The following THSD7A variants were observed in gnomAD, a reference collection of about 807,000 sequenced individuals.
The protein encoded by THSD7A is thrombospondin type-1 domain-containing protein 7A.
In THSD7A, 96 loss-of-function variants were observed where a neutral mutation model predicts 231.3. That is an observed-to-expected ratio of 0.41 (90% CI 0.35 to 0.49). The LOEUF is 0.49. THSD7A is among the 20% of genes least tolerant of loss of function. The pLI, the probability that THSD7A is intolerant of heterozygous loss-of-function variation, is 0.05. For synonymous variants in THSD7A, 940 were observed against 743.3 expected (o/e 1.26, Z -4.30); for missense variants, 2,290 against 2,070.2 (o/e 1.11, Z -2.06).
Position 11,375,755 on chromosome 7 carries a change from A to G in THSD7A, c.*39T>C. ...GTGGCCTCTGGACATCTATGAAGTCAGAAAGCCGAAACTGGTTGTTGCCAG... is the reference window on the plus strand; with the variant it reads ...GTGGCCTCTGGACATCTATGAAGTCGGAAAGCCGAAACTGGTTGTTGCCAG... On this transcript the variant is annotated 3_prime_UTR_variant, in exon 28 of 28. Transcript: ENST00000423059. The G allele has an allele frequency of 6.4e-7, 1 of 1,574,756 alleles. No homozygotes were observed.
chr7:11,404,981 C>T (rs1237111079), intron 22 of THSD7A, among the ~76,000 whole-genome samples: 1 of 151,898 alleles, frequency 6.6e-6, no homozygotes, highest in Non-Finnish European at 1.5e-5. Context: ...AGTTCTTGAC[C>T]TGAAGTAGAT....
chr7:11,532,167 T>C (rs916189757), intron 6 of THSD7A, among the ~76,000 whole-genome samples: 6 of 151,956 alleles, frequency 3.9e-5, no homozygotes, highest in African/African-American at 1.4e-4. Flanking sequence ...GGCACCTTCA[T>C]TGACATCAGT....
chr7:11,375,170 T>G lies in THSD7A; in HGVS notation c.*624A>C, dbSNP rs184924216. ...CTAGTACTTGTCCAGCATTCTTACT[T>G]TGGAGAGAGACAAGAAGTCTTAAAA... On this transcript the variant is annotated 3_prime_UTR_variant, in exon 28 of 28. Transcript: ENST00000423059. 3 of 152,130 alleles carry G rather than the reference T, an allele frequency of 2.0e-5. No homozygotes were observed. Among genetic ancestry groups the G allele is most frequent in the African/African-American group, 7.2e-5 (3 of 41,540 alleles). 9.4% of individuals were successfully genotyped at this position (152,130 alleles called of 1,614,324 possible). A position where few individuals can be genotyped will look rare whatever the true frequency, so the allele number is the denominator to read the frequency against.
chr7:11,563,660 C>A (rs6980325), intron 4 of THSD7A, among the ~76,000 whole-genome samples: 40,394 of 152,078 alleles, frequency 0.27, 6,107 homozygotes, highest in African/African-American at 0.42. Context: ...CGATGCCCAG[C>A]CACTGAGTTA....
chr7:11,531,219 C>G (rs371520745), intron 6 of THSD7A, among the ~76,000 whole-genome samples: 8 of 152,136 alleles, frequency 5.3e-5, no homozygotes, highest in African/African-American at 1.7e-4. Context: ...CTGTTGCAAC[C>G]CTTATCTAAG....
intron 1 of THSD7A, among the ~76,000 whole-genome samples, chr7:11,791,858 C>T (rs1469112717): frequency 6.6e-6 from 1 of 151,884 alleles, no homozygotes; most frequent in Non-Finnish European, 1.5e-5. Context: ...TTTTTTGCTG[C>T]CGCCTCTTTC....
At chr7:11,540,836 G>A (rs1032659157) in intron 6 of THSD7A, among the ~76,000 whole-genome samples, 3 of 152,150 alleles carry the variant, frequency 2.0e-5, no homozygotes, top group Admixed American at 6.5e-5. Flanking sequence ...AGAATCTTGC[G>A]GAAAGCCACT....
At chr7:11,394,692 G>T (rs748108586) in intron 23 of THSD7A, among the ~76,000 whole-genome samples, 1 of 152,152 alleles carries the variant, frequency 6.6e-6, no homozygotes, top group African/African-American at 2.4e-5. Context: ...CCAGGCTTTT[G>T]GAATCACGCC....
rs575863029 is a variant in THSD7A at position 11,431,454 on chromosome 7, C to A, written c.3065-2329G>T. ...TCCTGTCTTCAGTTGTTGAAAAAAC[C>A]TGTTCTTTCCTAATTGTTGTGGCAC... On this transcript the variant is annotated intron_variant, in intron 13 of 27. Transcript: ENST00000423059. Among the ~76,000 whole-genome samples, 4 of 152,130 alleles carry A rather than the reference C, an allele frequency of 2.6e-5. No individual in the cohort carries two copies. The East Asian group carries it at 7.7e-4, about 29-fold the overall frequency.
At chr7:11,804,164 T>C (rs1296593392) in intron 1 of THSD7A, among the ~76,000 whole-genome samples, 3 of 152,170 alleles carry the variant, frequency 2.0e-5, no homozygotes, top group Non-Finnish European at 4.4e-5. Context: ...CTATCATTAA[T>C]AGAATTTTTT....
intron 16 of THSD7A, among the ~76,000 whole-genome samples, chr7:11,421,341 C>T (rs746028409): frequency 6.6e-6 from 1 of 152,106 alleles, no homozygotes; most frequent in Non-Finnish European, 1.5e-5. Context: ...GCACTTCCCC[C>T]TTCGCTCTTT....
At chr7:11,699,604 C>T (rs1780515078) in intron 1 of THSD7A, among the ~76,000 whole-genome samples, 1 of 151,104 alleles carries the variant, frequency 6.6e-6, no homozygotes, top group South Asian at 2.1e-4. Flanking sequence ...CACGAGTTAC[C>T]CTGAAAGTTA....
At chr7:11,452,956 G>C (rs1389021006) in intron 11 of THSD7A, among the ~76,000 whole-genome samples, 1 of 151,938 alleles carries the variant, frequency 6.6e-6, no homozygotes, top group Non-Finnish European at 1.5e-5. Flanking sequence ...AATTACGTCT[G>C]TATAAAATTT....
At position 11,443,276 on chromosome 7, in the gene THSD7A, A is replaced by C. The variant is rs112132554; in HGVS notation, c.3064+2785T>G. 4.9e-3 allele frequency among the ~76,000 whole-genome samples: 739 copies of C among 152,236 alleles called. 5 individuals are homozygous for C. Among genetic ancestry groups the C allele is most frequent in the African/African-American group, 0.017 (700 of 41,556 alleles). On this transcript the variant is annotated intron_variant, in intron 13 of 27. Coordinates refer to ENST00000423059, the MANE Select transcript of THSD7A (RefSeq NM_015204.3). The stretch of plus-strand genomic sequence containing the variant: ...TTATGTGCTGCATTCCAAAATAAAC[A>C]CATCTTTTAAGTGATCTTCAATTTT...
At chr7:11,681,517 A>T (rs927586364) in intron 1 of THSD7A, among the ~76,000 whole-genome samples, 1 of 152,084 alleles carries the variant, frequency 6.6e-6, no homozygotes, top group African/African-American at 2.4e-5. Flanking sequence ...TCAGAGCCTG[A>T]AGATCAGTCC....
At chr7:11,794,364 AATAGCATC>A (rs1182023304) in intron 1 of THSD7A, among the ~76,000 whole-genome samples, 1 of 151,976 alleles carries the variant, frequency 6.6e-6, no homozygotes, top group Non-Finnish European at 1.5e-5. Flanking sequence ...AGTCCAACTG[AATAGCATC>A]CTCTTGGCCT....
At chr7:11,670,528 A>G (rs1783341169) in intron 1 of THSD7A, among the ~76,000 whole-genome samples, 1 of 152,196 alleles carries the variant, frequency 6.6e-6, no homozygotes, top group African/African-American at 2.4e-5. Flanking sequence ...ATACAACCCA[A>G]TGTTGACAAG....
chr7:11,420,227 A>G (rs1221676506), intron 16 of THSD7A, among the ~76,000 whole-genome samples: 7 of 152,340 alleles, frequency 4.6e-5, no homozygotes, highest in African/African-American at 1.4e-4. Flanking sequence ...AAGACATTTC[A>G]GACAACTTCA....
chr7:11,640,834 C>T (rs1782051312), intron 1 of THSD7A, among the ~76,000 whole-genome samples: 1 of 152,022 alleles, frequency 6.6e-6, no homozygotes, highest in African/African-American at 2.4e-5. Context: ...TTATTTATAA[C>T]ACCATGAATC....
Sources: allele counts gnomAD v4.1 joint callset (sites outside exome capture counted in the v4.1 genomes callset), GRCh38; gene constraint gnomAD v4.1.1; transcripts MANE v1.5; gene names NCBI Gene and HGNC (gene_info 2026-07-23, HGNC 2026-07-21).